Variants in ABCB7 observed in about 807,000 individuals in gnomAD.
The protein encoded by ABCB7 is ATP binding cassette subfamily B member 7.
In ABCB7, 7 loss-of-function variants were observed where a neutral mutation model predicts 54.4. The observed-to-expected ratio is 0.13, with a 90% CI of 0.07 to 0.24. The LOEUF (loss-of-function observed/expected upper bound fraction) is 0.24, where lower values mean the gene tolerates loss of function less well. ABCB7 is among the 10% of genes least tolerant of loss of function. The pLI is 1.00. For missense variants in ABCB7, 356 were observed against 570.4 expected, an observed-to-expected ratio of 0.62 and a Z score of 3.83; for synonymous variants, 218 against 207.1, an observed-to-expected ratio of 1.05 and a Z score of -0.45.
intron 4 of ABCB7, among the ~76,000 whole-genome samples, chrX:75,081,596 A>G (rs1467686339): frequency 1.8e-5 from 2 of 112,283 alleles, no homozygotes; most frequent in Non-Finnish European, 3.8e-5. Flanking sequence ...ATCTCTTAGG[A>G]ACAGGAAGTT....
intron 2 of ABCB7, among the ~76,000 whole-genome samples, chrX:75,114,227 T>C (rs1335597829): frequency 8.9e-6 from 1 of 112,012 alleles, no homozygotes; most frequent in Admixed American, 9.5e-5. Context: ...TAGACTGTCT[T>C]CTAATTTTCT....
chrX:75,087,174 T>C (rs1049609341), intron 4 of ABCB7, among the ~76,000 whole-genome samples: 2 of 112,001 alleles, frequency 1.8e-5, no homozygotes, highest in East Asian at 2.8e-4. Context: ...CTGTACTCTG[T>C]TGCTCTAATA....
intron 15 of ABCB7, 27 bp from the exon 16 acceptor site, chrX:75,053,612 G>A (rs377712763): frequency 6.0e-6 from 7 of 1,166,478 alleles, no homozygotes; most frequent in South Asian, 1.9e-5. Flanking sequence ...TGAGAAACAC[G>A]GAGAAAGGTC....
chrX:75,146,084 C>T (rs2082088483), intron 1 of ABCB7, among the ~76,000 whole-genome samples: 1 of 111,089 alleles, frequency 9.0e-6, no homozygotes, highest in Admixed American at 9.5e-5. Flanking sequence ...AAATAAAATA[C>T]CTAGGAATAC....
rs750811515 is a variant in ABCB7, at chrX:75,107,010, G to A, written c.333+5876C>T. ...TAAATTGCTGACACCACCCCTCCCC[G>A]ACACCGCAGAAGCAGTGGTGTGGTG... On this transcript the variant is annotated intron_variant, in intron 3 of 15. Transcript: ENST00000373394. Among the ~76,000 whole-genome samples, 6 of 111,047 alleles carry A rather than the reference G, an allele frequency of 5.4e-5. No individual in the cohort carries two copies. In the South Asian group the frequency reaches 1.6e-3, roughly 29 times the overall value.
intron 12 of ABCB7, among the ~76,000 whole-genome samples, chrX:75,066,918 C>T (rs2081324127): frequency 9.0e-6 from 1 of 111,504 alleles, no homozygotes; most frequent in Non-Finnish European, 1.9e-5. Context: ...ACACTGTAAC[C>T]ATCTACTTAC....
chrX:75,108,595 A>AC (rs1221184711), intron 3 of ABCB7, among the ~76,000 whole-genome samples: 20 of 110,322 alleles, frequency 1.8e-4, no homozygotes, highest in Admixed American at 1.9e-4. Flanking sequence ...AAAAAAAAAA[A>AC]CCACAATGGT....
chrX:75,119,555 C>T (rs773215417), intron 1 of ABCB7, among the ~76,000 whole-genome samples: 9 of 111,748 alleles, frequency 8.1e-5, no homozygotes, highest in African/African-American at 2.6e-4. Context: ...TGGGTAGATA[C>T]GTCTATAAGG....
intron 3 of ABCB7, among the ~76,000 whole-genome samples, chrX:75,102,403 C>T (rs953870655): frequency 2.7e-5 from 3 of 111,447 alleles, no homozygotes; most frequent in Non-Finnish European, 3.8e-5. Context: ...ATAAGATCAA[C>T]TTTCTTAGAT....
chrX:75,092,155 C>T (rs2081549391), intron 4 of ABCB7, among the ~76,000 whole-genome samples: 1 of 111,234 alleles, frequency 9.0e-6, no homozygotes, highest in Non-Finnish European at 1.9e-5. Context: ...AGGTCTGACA[C>T]TACCTGACTA....
intron 1 of ABCB7, among the ~76,000 whole-genome samples, chrX:75,118,813 C>A (rs776657747): frequency 1.8e-5 from 2 of 111,632 alleles, no homozygotes. Context: ...ATGTCCCCAT[C>A]CCCCACTGAG....
intron 13 of ABCB7, among the ~76,000 whole-genome samples, chrX:75,062,873 T>C (rs1200924297): frequency 8.9e-6 from 1 of 111,758 alleles, no homozygotes; most frequent in African/African-American, 3.2e-5. Flanking sequence ...ACTGAATTCG[T>C]CTCTTAAGAT....
chrX:75,080,208 C>A (rs1010928009), intron 4 of ABCB7, among the ~76,000 whole-genome samples: 5 of 112,115 alleles, frequency 4.5e-5, no homozygotes, highest in African/African-American at 1.6e-4. Context: ...TTCCATTCAT[C>A]TGGGAAAAGA....
chrX:75,059,363 T>TG (rs1237558854), intron 15 of ABCB7, among the ~76,000 whole-genome samples: 2 of 108,799 alleles, frequency 1.8e-5, no homozygotes, highest in Non-Finnish European at 3.8e-5. Flanking sequence ...CCCAGCTACT[T>TG]GGGGGGCTGA....
chrX:75,105,736 C>T (rs1353877284), intron 3 of ABCB7, among the ~76,000 whole-genome samples: 1 of 111,645 alleles, frequency 9.0e-6, no homozygotes, highest in African/African-American at 3.2e-5. Context: ...CAAGAGGTAC[C>T]ACATTATCTG....
intron 1 of ABCB7, among the ~76,000 whole-genome samples, chrX:75,139,788 A>G (rs755814876): frequency 8.9e-6 from 1 of 112,086 alleles, no homozygotes; most frequent in East Asian, 2.8e-4. Context: ...TTATCTAGGC[A>G]GATTTCTACA....
intron 1 of ABCB7, among the ~76,000 whole-genome samples, chrX:75,134,457 C>T (rs909602584): frequency 9.0e-6 from 1 of 111,557 alleles, no homozygotes; most frequent in African/African-American, 3.3e-5. Context: ...GACTTAACCT[C>T]GCACTTGATC....
At chrX:75,062,535 C>T in intron 13 of ABCB7, 104 bp from the exon 14 acceptor site, 1 of 586,567 alleles carries the variant, frequency 1.7e-6, no homozygotes, top group South Asian at 2.4e-5. Flanking sequence ...TGAACATTTC[C>T]TTATTCTCCT....
In ABCB7 at chrX:75,062,470, A is replaced by G. The variant is rs746685938; in HGVS notation, c.1832-39T>C. On this transcript the variant is annotated intron_variant, in intron 13 of 15. Coordinates refer to ENST00000373394, the MANE Select transcript of ABCB7 (RefSeq NM_001271696.3). ...ATTTTACTTTAAGGAAGCATAGTGC[A>G]TGCATATTTTATGTTTTTAGTGTTT... The G allele has an allele frequency of 4.9e-6, 5 of 1,020,530 alleles. No homozygotes were observed. In the African/African-American group the frequency reaches 5.6e-5, roughly 11 times the overall value. 84.1% of individuals were successfully genotyped at this position (1,020,530 alleles called of 1,213,427 possible).
Sources: gnomAD v4.1 joint callset for allele counts (sites outside exome capture counted in the v4.1 genomes callset) on GRCh38, gnomAD v4.1.1 for gene constraint, MANE v1.5 for transcripts, NCBI Gene and HGNC (gene_info 2026-07-23, HGNC 2026-07-21) for gene names.